Variants in PDE10A observed in about 807,000 individuals in gnomAD.
PDE10A encodes the protein cAMP and cAMP-inhibited cGMP 3',5'-cyclic phosphodiesterase 10A.
A neutral mutation model predicts 97.7 loss-of-function variants in PDE10A; 39 were observed. The observed-to-expected ratio is 0.40, with a 90% CI of 0.31 to 0.52. The LOEUF (loss-of-function observed/expected upper bound fraction) is 0.52. PDE10A is among the 20% of genes least tolerant of loss of function. The probability of loss-of-function intolerance (pLI) is 0.56; values close to 1 mark genes in which losing one functional copy is unlikely to be tolerated. For synonymous variants in PDE10A, 371 were observed against 376.8 expected, an observed-to-expected ratio of 0.98 and a Z score of 0.18; for missense variants, 731 against 1,047.8, an observed-to-expected ratio of 0.70 and a Z score of 4.17.
At chr6:165,771,063 C>T (rs549490024) in intron 1 of PDE10A, among the ~76,000 whole-genome samples, 16 of 152,298 alleles carry the variant, frequency 1.1e-4, no homozygotes, top group African/African-American at 3.8e-4. Flanking sequence ...GAGAATGAGG[C>T]TTTCAGGGCA....
intron 1 of PDE10A, among the ~76,000 whole-genome samples, chr6:165,688,302 C>G (rs1791178822): frequency 6.6e-6 from 1 of 152,158 alleles, no homozygotes. Flanking sequence ...GTTTACATGC[C>G]TTTCAGACCA....
At chr6:165,629,926 T>C (rs553408245) in intron 1 of PDE10A, among the ~76,000 whole-genome samples, 3 of 152,214 alleles carry the variant, frequency 2.0e-5, no homozygotes, top group South Asian at 2.1e-4. Flanking sequence ...AGCTGAGGAG[T>C]AGCAATCGCT....
intron 1 of PDE10A, among the ~76,000 whole-genome samples, chr6:165,744,746 A>G (rs1455751666): frequency 6.6e-6 from 1 of 152,114 alleles, no homozygotes; most frequent in Non-Finnish European, 1.5e-5. Context: ...TATGTGATGT[A>G]GAGTAGACAT....
At chr6:165,818,025 A>T (rs1369725070) in intron 1 of PDE10A, among the ~76,000 whole-genome samples, 1 of 152,212 alleles carries the variant, frequency 6.6e-6, no homozygotes, top group Non-Finnish European at 1.5e-5. Flanking sequence ...TGTAGCTCTC[A>T]TACCTGCTCT....
chr6:165,881,635 C>T (rs1259449000), intron 1 of PDE10A, among the ~76,000 whole-genome samples: 3 of 149,300 alleles, frequency 2.0e-5, no homozygotes, highest in African/African-American at 7.4e-5. Flanking sequence ...GATCTCTTGA[C>T]CTCGTGATCC....
At chr6:165,676,821 G>A (rs1268516684) in intron 1 of PDE10A, among the ~76,000 whole-genome samples, 1 of 152,076 alleles carries the variant, frequency 6.6e-6, no homozygotes, top group African/African-American at 2.4e-5. Flanking sequence ...TGGGACTGGC[G>A]AGCGCCTCCC....
At chr6:165,608,832 T>C (rs1233680101) in intron 1 of PDE10A, among the ~76,000 whole-genome samples, 1 of 152,228 alleles carries the variant, frequency 6.6e-6, no homozygotes, top group Non-Finnish European at 1.5e-5. Flanking sequence ...TATCTCATTG[T>C]GGTTTTGATT....
chr6:165,374,277 TTAA>T (rs1784466141), intron 18 of PDE10A, among the ~76,000 whole-genome samples: 1 of 151,552 alleles, frequency 6.6e-6, no homozygotes, highest in Non-Finnish European at 1.5e-5. Flanking sequence ...AAAGAAAACT[TTAA>T]TTATTATTTG....
At chr6:165,699,822 A>G (rs1340341354) in intron 1 of PDE10A, among the ~76,000 whole-genome samples, 2 of 152,200 alleles carry the variant, frequency 1.3e-5, no homozygotes, top group Non-Finnish European at 2.9e-5. Flanking sequence ...TATGGGACGC[A>G]GCTAAAACAG....
At chr6:165,543,135 TA>T (rs1396942146) in intron 2 of PDE10A, among the ~76,000 whole-genome samples, 2 of 152,228 alleles carry the variant, frequency 1.3e-5, no homozygotes, top group African/African-American at 4.8e-5. Context: ...ATCTAATCAC[TA>T]AAAATAATCC....
At chr6:165,643,880 T>G (rs567783592) in intron 1 of PDE10A, among the ~76,000 whole-genome samples, 1 of 152,346 alleles carries the variant, frequency 6.6e-6, no homozygotes, top group African/African-American at 2.4e-5. Flanking sequence ...GGTTAAGTGA[T>G]AGATATGTTA....
At chr6:165,800,258 G>A (rs1355258060) in intron 1 of PDE10A, among the ~76,000 whole-genome samples, 1 of 152,204 alleles carries the variant, frequency 6.6e-6, no homozygotes, top group Admixed American at 6.5e-5. Context: ...TTTTCATGAT[G>A]ATTGTTGGGG....
At chr6:165,715,606 A>G (rs1001634149) in intron 1 of PDE10A, among the ~76,000 whole-genome samples, 3 of 152,176 alleles carry the variant, frequency 2.0e-5, no homozygotes, top group African/African-American at 7.2e-5. Context: ...ATGCACATGC[A>G]TGTACACATG....
chr6:165,694,758 G>C (rs1317242933), intron 1 of PDE10A, among the ~76,000 whole-genome samples: 1 of 152,224 alleles, frequency 6.6e-6, no homozygotes, highest in Non-Finnish European at 1.5e-5. Context: ...CTGGGACAGA[G>C]GATAGATGAG....
chr6:165,430,805 C>T (rs1395512686), intron 8 of PDE10A, among the ~76,000 whole-genome samples: 4 of 152,102 alleles, frequency 2.6e-5, no homozygotes, highest in African/African-American at 4.8e-5. Context: ...CTCGATTTTT[C>T]TTCCTAGCAT....
At chr6:165,876,633 C>G (rs1327530042) in intron 1 of PDE10A, among the ~76,000 whole-genome samples, 5 of 152,186 alleles carry the variant, frequency 3.3e-5, no homozygotes, top group African/African-American at 1.2e-4. Flanking sequence ...TTCAAAGTTA[C>G]CACTGCATGG....
At chr6:165,362,185 T>C (rs1031541854) in intron 18 of PDE10A, among the ~76,000 whole-genome samples, 3 of 151,780 alleles carry the variant, frequency 2.0e-5, no homozygotes, top group African/African-American at 7.3e-5. Context: ...AAATAAAGAT[T>C]ACAAAAGAAA....
chr6:165,625,405 C>T (rs13217316), intron 1 of PDE10A, among the ~76,000 whole-genome samples: 97,386 of 152,048 alleles, frequency 0.64, 31,335 homozygotes, highest in Middle Eastern at 0.79. Context: ...AAGAGTGGAG[C>T]CAAGAATGAC....
intron 2 of PDE10A, among the ~76,000 whole-genome samples, 153 bp from the exon 3 acceptor site, chr6:165,482,496 G>T (rs370481949): frequency 6.6e-6 from 1 of 152,240 alleles, no homozygotes; most frequent in East Asian, 1.9e-4. Context: ...AAACTGTAAA[G>T]GTTGAACATA....
Sources: gnomAD v4.1 joint callset for allele counts (sites outside exome capture counted in the v4.1 genomes callset) on GRCh38, gnomAD v4.1.1 for gene constraint, MANE v1.5 for transcripts, NCBI Gene and HGNC (gene_info 2026-07-23, HGNC 2026-07-21) for gene names.